The following RSBN1L variants were observed in gnomAD, a reference collection of about 807,000 sequenced individuals.
RSBN1L encodes the protein lysine-specific demethylase RSBN1L.
Under a neutral mutation model 67.7 loss-of-function variants are expected in RSBN1L, and 30 were observed. The observed-to-expected ratio is 0.44, with a 90% CI of 0.33 to 0.60. The LOEUF (loss-of-function observed/expected upper bound fraction) is 0.60. Among genes scored for constraint, RSBN1L ranks in the 20% least tolerant of loss-of-function variants. The pLI is 0.02. For missense variants in RSBN1L, 992 were observed against 1,031.7 expected, an observed-to-expected ratio of 0.96 and a Z score of 0.53; for synonymous variants, 433 against 387.0, an observed-to-expected ratio of 1.12 and a Z score of -1.39.
chr7:77,707,544 A>G (rs1790911803), intron 1 of RSBN1L, among the ~76,000 whole-genome samples: 1 of 152,204 alleles, frequency 6.6e-6, no homozygotes, highest in Non-Finnish European at 1.5e-5. Context: ...TTTAACTCAG[A>G]GCCACTTTCA....
In RSBN1L at chr7:77,696,488, C is replaced by A; in HGVS notation, c.19C>A (p.Pro7Thr). ...GCGCAAAATGGCGGAACCGCCGAGC[C>A]CCGTGCACTGTGTCGCTGCCGCGGC... MAEPPS[P>T]VHCVAAAAPT... The change falls in exon 1 of 8, where the codon CCC becomes ACC. Residue 7 changes from proline to threonine, a missense_variant. This residue lies in a region of RSBN1L where 575 missense variants were observed against 483.2 expected (regional missense o/e 1.19). Coordinates refer to ENST00000334955, the MANE Select transcript of RSBN1L (RefSeq NM_198467.3). The A allele has an allele frequency of 6.2e-7, 1 of 1,612,764 alleles. No individual in the cohort carries two copies. Among genetic ancestry groups the A allele is most frequent in the Non-Finnish European group, 8.5e-7 (1 of 1,179,340 alleles).
In RSBN1L at chr7:77,696,502, C is replaced by G. The variant is rs776370741; in HGVS notation, c.33C>G (p.Val11=). 6.8e-6 allele frequency: 11 copies of G among 1,613,254 alleles called. No homozygotes were observed. Among genetic ancestry groups the G allele is most frequent in the East Asian group, 6.7e-5 (3 of 44,862 alleles). The part of the protein sequence containing the change: MAEPPSPVHC[V]AAAAPTATVS... ...AACCGCCGAGCCCCGTGCACTGTGT[C>G]GCTGCCGCGGCCCCCACCGCCACCG... Residue 11 remains valine (V), a synonymous_variant, in exon 1 of 8, where the codon GTC becomes GTG. Transcript: ENST00000334955.
chr7:77,740,970 T>TTTTTC (rs200526610), intron 2 of RSBN1L, among the ~76,000 whole-genome samples: 2 of 148,578 alleles, frequency 1.3e-5, no homozygotes, highest in Admixed American at 6.7e-5. Context: ...CCCATCAACA[T>TTTTTC]TTTTCTTTTC....
At chr7:77,766,869 T>G in intron 4 of RSBN1L, among the ~76,000 whole-genome samples, 1 of 152,226 alleles carries the variant, frequency 6.6e-6, no homozygotes, top group East Asian at 1.9e-4. Flanking sequence ...GTTCCTTTTC[T>G]ACTTCTCTCT....
At chr7:77,697,226 A>G in intron 1 of RSBN1L, 171 bp downstream of exon 1, 1 of 611,606 alleles carries the variant, frequency 1.6e-6, no homozygotes, top group South Asian at 7.2e-5. Flanking sequence ...GGGACAGGAA[A>G]TGGAGCCTGT....
In RSBN1L at chr7:77,696,874, G is replaced by A; in HGVS notation, c.405G>A (p.Leu135=). 1 of 1,610,328 alleles carries A rather than the reference G, an allele frequency of 6.2e-7. No homozygotes were observed. Reference sequence around the variant, plus strand: ...AACTGCTGGTCCCTCCTACGCTGCTGCACGCTCAGCCTCACCATCTCCTCC... The same window carrying A: ...AACTGCTGGTCCCTCCTACGCTGCTACACGCTCAGCCTCACCATCTCCTCC... ...PRKLLVPPTL[L]HAQPHHLLLP... Residue 135 remains leucine (L), a synonymous_variant, in exon 1 of 8, where the codon CTG becomes CTA. Transcript: ENST00000334955.
chr7:77,755,242 A>G (rs182553037), intron 3 of RSBN1L, among the ~76,000 whole-genome samples: 7 of 152,392 alleles, frequency 4.6e-5, no homozygotes, highest in Admixed American at 4.6e-4. Context: ...GTGTTTGCTC[A>G]GGAATCAAAC....
At chr7:77,743,878 G>A (rs1027942172) in intron 2 of RSBN1L, among the ~76,000 whole-genome samples, 6 of 151,288 alleles carry the variant, frequency 4.0e-5, no homozygotes, top group South Asian at 4.2e-4. Context: ...TTAGTCCCCT[G>A]TTTCACTTAT....
rs1162501540 is a variant in RSBN1L at position 77,758,519 on chromosome 7, T to A, written c.1345-6976T>A. Among the ~76,000 whole-genome samples, 3 of 152,204 alleles carry A rather than the reference T, an allele frequency of 2.0e-5. No individual in the cohort carries two copies. The South Asian group carries it at 6.2e-4, about 31-fold the overall frequency. On this transcript the variant is annotated intron_variant, in intron 3 of 7. Transcript: ENST00000334955. ...ATCCAGTTAACAACACTCTTTTAGT[T>A]AAAATGTGCAATTATTACTGACTAT...
chr7:77,738,745 C>A (rs1189356060), intron 2 of RSBN1L, among the ~76,000 whole-genome samples: 1 of 151,954 alleles, frequency 6.6e-6, no homozygotes, highest in Non-Finnish European at 1.5e-5. Flanking sequence ...GTCAAGAGTT[C>A]AAGACCAGCC....
rs754021667 is a variant in RSBN1L, at chr7:77,749,668, A to G, written c.948A>G (p.Lys316=). 3 of 1,614,202 alleles carry G rather than the reference A, an allele frequency of 1.9e-6. No individual in the cohort carries two copies. Among genetic ancestry groups the G allele is most frequent in the South Asian group, 2.2e-5 (2 of 91,090 alleles). The change falls in exon 3 of 8, where the codon AAA becomes AAG. Residue 316 remains lysine (K), a synonymous_variant. Transcript: ENST00000334955. ...TGGATACCAAGAACTATGATTCCAA[A>G]ATTCCAGAGAACAGTGAGTTTCCAT... ...KNLDTKNYDS[K]IPENSEFPFV...
At chr7:77,705,557 G>C (rs969456481) in intron 1 of RSBN1L, among the ~76,000 whole-genome samples, 2 of 128,694 alleles carry the variant, frequency 1.6e-5, no homozygotes, top group Non-Finnish European at 3.1e-5. Context: ...TGTTGCCCAG[G>C]CTGGAGTGCA....
rs753205794 is a variant in RSBN1L, at chr7:77,779,031, A to C, written c.2404A>C (p.Met802Leu). ...HVQFAEFKID[M>L]DSKFENSNKD... ...TCAATTTGCAGAATTTAAGATTGAC[A>C]TGGATTCTAAATTTGAAAATAGCAA... Residue 802 changes from methionine (M) to leucine (L), a missense_variant, in exon 8 of 8, where the codon ATG becomes CTG. By Grantham distance (15) the Met-to-Leu change is conservative. Coordinates refer to ENST00000334955, the MANE Select transcript of RSBN1L (RefSeq NM_198467.3). 6.2e-7 allele frequency: 1 copy of C among 1,614,090 alleles called. No homozygotes were observed. The highest frequency in any genetic ancestry group is 1.3e-5 in the African/African-American group (1 of 75,060).
In RSBN1L at chr7:77,779,284, G is replaced by T. The variant is rs1038601091; in HGVS notation, c.*116G>T. The T allele has an allele frequency of 1.3e-6, 1 of 746,562 alleles. No homozygotes were observed. Among genetic ancestry groups the T allele is most frequent in the Non-Finnish European group, 2.2e-6 (1 of 461,264 alleles). The allele number at this position is 746,562 out of a possible 1,614,324, so 46.2% of individuals were successfully genotyped here. A position where few individuals can be genotyped will look rare whatever the true frequency, so the allele number is the denominator to read the frequency against. Reference sequence around the variant, plus strand: ...ATGTCTGTTACAAAACATAGTTTATGTAGCTTTGTAACATTCCTCAGTGCC... The same window carrying T: ...ATGTCTGTTACAAAACATAGTTTATTTAGCTTTGTAACATTCCTCAGTGCC... On this transcript the variant is annotated 3_prime_UTR_variant, in exon 8 of 8. Transcript: ENST00000334955.
chr7:77,696,535 G>C lies in RSBN1L; in HGVS notation c.66G>C (p.Glu22Asp). 1 of 1,614,048 alleles carries C rather than the reference G, an allele frequency of 6.2e-7. No individual in the cohort carries two copies. Among genetic ancestry groups the C allele is most frequent in the Non-Finnish European group, 8.5e-7 (1 of 1,180,012 alleles). The change falls in exon 1 of 8, where the codon GAG becomes GAC. Residue 22 changes from glutamate to aspartate, a missense_variant. Coordinates refer to ENST00000334955, the MANE Select transcript of RSBN1L (RefSeq NM_198467.3). ...CGGCCCCCACCGCCACCGTCTCGGA[G>C]AAAGAACCGTTTGGCAAGCTGCAAC... ...AAAAPTATVSEKEPFGKLQLS... is the reference protein window; with the variant it reads ...AAAAPTATVSDKEPFGKLQLS...
intron 5 of RSBN1L, among the ~76,000 whole-genome samples, chr7:77,770,593 G>A (rs1045722325): frequency 1.3e-5 from 2 of 151,350 alleles, no homozygotes; most frequent in Admixed American, 6.6e-5. Flanking sequence ...TGAGTCAAGG[G>A]CTGCTTGAGC....
chr7:77,750,382 T>G (rs1263421966), intron 3 of RSBN1L, among the ~76,000 whole-genome samples: 2 of 143,578 alleles, frequency 1.4e-5, no homozygotes, highest in East Asian at 4.4e-4. Context: ...AGTCCTTAAA[T>G]AGTTTTCTTA....
At chr7:77,738,024 A>G (rs1164077915) in intron 2 of RSBN1L, among the ~76,000 whole-genome samples, 1 of 148,570 alleles carries the variant, frequency 6.7e-6, no homozygotes, top group Non-Finnish European at 1.5e-5. Context: ...TTCAGTCTCA[A>G]AAAAAAAAAA....
chr7:77,744,018 G>A (rs1445106488), intron 2 of RSBN1L, among the ~76,000 whole-genome samples: 2 of 151,904 alleles, frequency 1.3e-5, no homozygotes, highest in East Asian at 1.9e-4. Context: ...CAGCCACCAT[G>A]TCTGGACTGT....
Sources: gnomAD v4.1 joint callset for allele counts (sites outside exome capture counted in the v4.1 genomes callset) on GRCh38, gnomAD v4.1.1 for gene constraint, gnomAD v4.1.1 regional missense constraint, MANE v1.5 for transcripts, NCBI Gene and HGNC (gene_info 2026-07-23, HGNC 2026-07-21) for gene names.